Variants in EPB41L1 observed in about 807,000 individuals in gnomAD.
EPB41L1 encodes erythrocyte membrane protein band 4.1 like 1, also known as band 4.1-like protein 1.
EPB41L1 carries 29 observed loss-of-function variants against 97.8 expected under a neutral mutation model. That is an observed-to-expected ratio of 0.30 (90% CI 0.22 to 0.40). The LOEUF is 0.40. EPB41L1 is among the 10% of genes least tolerant of loss of function. EPB41L1 has a pLI of 1.00. For synonymous variants in EPB41L1, 383 were observed against 459.2 expected (o/e 0.83, Z 2.12); for missense variants, 812 against 1,162.3 (o/e 0.70, Z 4.38).
Position 36,187,658 on chromosome 20 carries a change from T to C in EPB41L1, c.786-18T>C, listed in dbSNP as rs372963980. ...GGGCCTTTCCCTTGGTCACCTGTGA[T>C]CACTTTCTTTCCCTCAGGGGGATGA... is the stretch of plus-strand genomic sequence containing the variant. On this transcript the variant is annotated intron_variant, in intron 7 of 21. Transcript: ENST00000338074. The C allele has an allele frequency of 2.6e-5, 42 of 1,610,098 alleles. No individual in the cohort carries two copies. In the African/African-American group the frequency reaches 5.2e-4, roughly 20 times the overall value.
chr20:36,154,937 G>A lies in EPB41L1; in HGVS notation c.-15+41G>A. The stretch of plus-strand genomic sequence containing the variant: ...AATCAGGTGGCTCTCGGGGCCGGGG[G>A]CTTGCAACATCTAGGCCCAGCCTCC... On this transcript the variant is annotated intron_variant, in intron 1 of 21. Coordinates refer to ENST00000338074, the MANE Select transcript of EPB41L1 (RefSeq NM_012156.2). This position sits in a 1 kb window ranked among gnomAD's most constrained non-coding sequence, Gnocchi z 5.5. The A allele has an allele frequency of 9.0e-7, 1 of 1,110,928 alleles. No individual in the cohort carries two copies. Among genetic ancestry groups the A allele is most frequent in the Middle Eastern group, 4.2e-4 (1 of 2,398 alleles). The allele number at this position is 1,110,928 out of a possible 1,614,324, so 68.8% of individuals were successfully genotyped here.
chr20:36,156,992 G>A (rs1168635578), intron 1 of EPB41L1, among the ~76,000 whole-genome samples: 1 of 152,164 alleles, frequency 6.6e-6, no homozygotes, highest in Non-Finnish European at 1.5e-5. Context: ...TTGGGAGGAC[G>A]AGGCGGGCAG....
chr20:36,164,363 A>G (rs1056581697), intron 1 of EPB41L1, among the ~76,000 whole-genome samples: 1 of 152,202 alleles, frequency 6.6e-6, no homozygotes, highest in African/African-American at 2.4e-5. Flanking sequence ...ACTATTAAAA[A>G]CATCATTCAA....
chr20:36,150,153 C>T (rs1023039941), upstream of EPB41L1, among the ~76,000 whole-genome samples: 2 of 151,698 alleles, frequency 1.3e-5, no homozygotes, highest in African/African-American at 4.9e-5. Flanking sequence ...CTACAACTTC[C>T]GCCTCTTGGG....
At chr20:36,200,167 T>C (rs1379288688) in intron 14 of EPB41L1, among the ~76,000 whole-genome samples, 1 of 152,138 alleles carries the variant, frequency 6.6e-6, no homozygotes, top group East Asian at 1.9e-4. Context: ...CTTGGGTAAC[T>C]TCCCCTTTTT....
intron 2 of EPB41L1, among the ~76,000 whole-genome samples, chr20:36,147,423 A>G (rs1187492783): frequency 6.6e-6 from 1 of 152,202 alleles, no homozygotes; most frequent in African/African-American, 2.4e-5. Context: ...GTGAAGCCCA[A>G]TGTGTGTAGG....
At chr20:36,158,722 C>A (rs6089005) in intron 1 of EPB41L1, among the ~76,000 whole-genome samples, 721 of 152,288 alleles carry the variant, frequency 4.7e-3, no homozygotes, top group Non-Finnish European at 7.1e-3. Context: ...TTTCCTCATT[C>A]GTAAAATGCA....
intron 1 of EPB41L1, chr20:36,109,784 A>G (rs2058327061): frequency 6.6e-6 from 1 of 152,194 alleles, no homozygotes; most frequent in African/African-American, 2.4e-5. Context: ...CACAGCCGGA[A>G]CCTGAATGCA....
chr20:36,195,338 G>A lies in EPB41L1; in HGVS notation c.1459G>A (p.Glu487Lys), dbSNP rs765154172. The A allele has an allele frequency of 6.2e-7, 1 of 1,613,930 alleles. No homozygotes were observed. Among genetic ancestry groups the A allele is most frequent in the South Asian group, 1.1e-5 (1 of 91,066 alleles). Reference sequence around the variant, plus strand: ...TACCACATCCCACTAGCCGGAGCAGGAAACCACGCCGAGACACAAGCAGGA... The same window carrying A: ...TACCACATCCCACTAGCCGGAGCAGAAAACCACGCCGAGACACAAGCAGGA... ...TKIKELKPEQ[E>K]TTPRHKQEFL... is the part of the protein sequence containing the mutation. Residue 487 changes from glutamate (E) to lysine (K), a missense_variant, in exon 13 of 22, where the codon GAA becomes AAA. By Grantham distance (56) the Glu-to-Lys change is moderately conservative. Transcript: ENST00000338074. The surrounding 1 kb of genome is among the most constrained non-coding windows in gnomAD (Gnocchi z 4.6).
chr20:36,162,066 T>C (rs1480736930), intron 1 of EPB41L1, among the ~76,000 whole-genome samples: 3 of 152,202 alleles, frequency 2.0e-5, no homozygotes, highest in Admixed American at 2.0e-4. Flanking sequence ...ACCCTGCCTA[T>C]CTCATTTAAT....
intron 7 of EPB41L1, 80 bp downstream of exon 7, chr20:36,185,415 GC>G: frequency 7.5e-7 from 1 of 1,336,384 alleles, no homozygotes; most frequent in Non-Finnish European, 1.0e-6. Context: ...GTCCTAGGCC[GC>G]CACATACTGT....
At chr20:36,188,597 C>CACAA (rs1189378977) in intron 9 of EPB41L1, 98 bp downstream of exon 9, 1 of 495,504 alleles carries the variant, frequency 2.0e-6, no homozygotes, top group African/African-American at 2.5e-5. Context: ...CACACACACA[C>CACAA]ACACACACAC....
intron 2 of EPB41L1, among the ~76,000 whole-genome samples, chr20:36,146,621 C>T (rs2145387022): frequency 6.6e-6 from 1 of 152,248 alleles, no homozygotes; most frequent in South Asian, 2.1e-4. Context: ...CCGTCTGGTC[C>T]CTGCAGATGG....
At chr20:36,168,958 T>TG (rs1385960748) in intron 1 of EPB41L1, among the ~76,000 whole-genome samples, 2 of 151,662 alleles carry the variant, frequency 1.3e-5, no homozygotes, top group African/African-American at 4.8e-5. Context: ...CCAGGCATGG[T>TG]GGCTCACGCC....
At chr20:36,159,470 A>G (rs2060444362) in intron 1 of EPB41L1, among the ~76,000 whole-genome samples, 1 of 152,138 alleles carries the variant, frequency 6.6e-6, no homozygotes, top group Non-Finnish European at 1.5e-5. Flanking sequence ...TGTGCTTATG[A>G]CTGCTCTGCG....
At chr20:36,174,641 C>T (rs897041238) in intron 2 of EPB41L1, among the ~76,000 whole-genome samples, 1 of 150,942 alleles carries the variant, frequency 6.6e-6, no homozygotes, top group Non-Finnish European at 1.5e-5. Flanking sequence ...GTCTCAAACT[C>T]CTGGGCTCGA....
chr20:36,188,954 C>T (rs1384887232), intron 9 of EPB41L1, among the ~76,000 whole-genome samples: 1 of 150,780 alleles, frequency 6.6e-6, no homozygotes, highest in Admixed American at 6.6e-5. Flanking sequence ...TAAATGAATA[C>T]ATGTCTGTGT....
chr20:36,174,263 ACTTT>A (rs1055540633), intron 2 of EPB41L1, among the ~76,000 whole-genome samples: 2 of 148,428 alleles, frequency 1.3e-5, no homozygotes, highest in Non-Finnish European at 1.5e-5. Context: ...AATTGTTTTA[ACTTT>A]CTTTTTTTTT....
intron 2 of EPB41L1, chr20:36,121,947 G>A (rs2058765085): frequency 1.3e-5 from 2 of 152,216 alleles, no homozygotes; most frequent in Non-Finnish European, 2.9e-5. Flanking sequence ...GAAGGGTGGT[G>A]AAACCAAAGC....
Sources: gnomAD v4.1 joint callset for allele counts (sites outside exome capture counted in the v4.1 genomes callset) on GRCh38, gnomAD v4.1.1 for gene constraint, Gnocchi (gnomAD v3.1) non-coding constraint, MANE v1.5 for transcripts, NCBI Gene and HGNC (gene_info 2026-07-23, HGNC 2026-07-21) for gene names.